Variants in WDR62 observed in about 807,000 individuals in gnomAD.
WDR62 encodes the protein WD repeat domain 62, also known as WD repeat-containing protein 62.
WDR62 carries 112 observed loss-of-function variants against 160.6 expected under a neutral mutation model. The ratio of observed to expected loss-of-function variants is 0.70; its 90% CI spans 0.60 to 0.82. The LOEUF is 0.82. Ranked by LOEUF, WDR62 falls within the 40% of genes least tolerant of loss-of-function variation. The probability of loss-of-function intolerance (pLI) is 0.00; values close to 1 mark genes in which losing one functional copy is unlikely to be tolerated. For missense variants in WDR62, 1,819 were observed against 1,983.8 expected (o/e 0.92, Z 1.58); for synonymous variants, 792 against 815.1 (o/e 0.97, Z 0.48).
downstream of WDR62, among the ~76,000 whole-genome samples, chr19:36,106,040 C>A (rs138712951): frequency 3.8e-3 from 577 of 152,318 alleles, 4 homozygotes; most frequent in African/African-American, 0.013. Context: ...AAACAAGAAA[C>A]CCAGGCAGGC....
chr19:36,060,154 C>T (rs1014206824), intron 3 of WDR62, 124 bp downstream of exon 3: 1 of 999,338 alleles, frequency 1.0e-6, no homozygotes, highest in Non-Finnish European at 1.6e-6. Context: ...GTTGGCTCAG[C>T]AGCATTCGCC....
At chr19:36,086,917 C>T in intron 13 of WDR62, 105 bp downstream of exon 13, 2 of 1,444,092 alleles carry the variant, frequency 1.4e-6, no homozygotes, top group South Asian at 2.4e-5. Flanking sequence ...CAAGTGAATA[C>T]AGTATCTGTG....
At position 36,067,333 on chromosome 19, in the gene WDR62, G is replaced by A. The variant is rs535488873; in HGVS notation, c.589G>A (p.Val197Ile). ...AGACATCGTAGTGGCCTCCAACAAG[G>A]TATCTTGTAGAGTCATTGCCCTCTC... ...KKDIVVASNKVSCRVIALSFS... is the reference protein window; with the variant it reads ...KKDIVVASNKISCRVIALSFS... The change falls in exon 6 of 32, where the codon GTA becomes ATA. Residue 197 changes from valine to isoleucine, a missense_variant. Val to Ile is a conservative substitution (Grantham distance 29). This residue lies in a region of WDR62 where 934 missense variants were observed against 1,157.2 expected (regional missense o/e 0.81). Coordinates refer to ENST00000401500, the MANE Select transcript of WDR62 (RefSeq NM_001083961.2). 1.1e-4 allele frequency: 180 copies of A among 1,614,166 alleles called. 1 individual carries two copies. In the South Asian group the frequency reaches 1.5e-3, roughly 14 times the overall value.
At chr19:36,071,987 G>C (rs942966224) in intron 8 of WDR62, among the ~76,000 whole-genome samples, 10 of 152,232 alleles carry the variant, frequency 6.6e-5, no homozygotes, top group African/African-American at 2.4e-4. Flanking sequence ...GAACAGTGCA[G>C]AGCAGGTGTG....
downstream of WDR62, chr19:36,105,190 G>A (rs1973680784): frequency 6.7e-6 from 6 of 889,056 alleles, no homozygotes; most frequent in Non-Finnish European, 6.8e-6. Context: ...GTGATGCCCA[G>A]AGGACTCGTG....
chr19:36,066,451 T>C, intron 5 of WDR62, 24 bp downstream of exon 5: 1 of 1,572,392 alleles, frequency 6.4e-7, no homozygotes, highest in South Asian at 1.2e-5. Context: ...AGCAGGCCTG[T>C]GGCAGGCAGC....
At position 36,079,417 on chromosome 19, in the gene WDR62, T is replaced by G. The variant is rs1219268637; in HGVS notation, c.1234-2016T>G. Among the ~76,000 whole-genome samples the G allele has an allele frequency of 2.0e-5, 3 of 152,230 alleles. No homozygotes were observed. The East Asian group carries it at 5.8e-4, about 29-fold the overall frequency. ...AGCCTGCTTTCTGATACTTCCTTTT[T>G]GTGGTCCTCTTTATCTGTTATGTCT... On this transcript the variant is annotated intron_variant, in intron 9 of 31. Transcript: ENST00000401500.
chr19:36,068,944 A>ACC (rs546007428), intron 7 of WDR62, among the ~76,000 whole-genome samples: 1 of 144,862 alleles, frequency 6.9e-6, no homozygotes, highest in Middle Eastern at 4.0e-3. Context: ...GGGCAGAGGC[A>ACC]CCCCCCATCT....
chr19:36,105,824 G>T (rs111671167), downstream of WDR62, among the ~76,000 whole-genome samples: 1 of 152,068 alleles, frequency 6.6e-6, no homozygotes, highest in Non-Finnish European at 1.5e-5. Context: ...TCAGCCTCCC[G>T]AGTAGCTGGG....
chr19:36,075,015 A>G (rs1471562418), intron 9 of WDR62: 2 of 151,604 alleles, frequency 1.3e-5, no homozygotes, highest in African/African-American at 4.9e-5. Context: ...TTCTCAGCCA[A>G]TACTGCTTCT....
rs1971001262 is a variant in WDR62, at chr19:36,067,453, T to C, written c.699+10T>C. The C allele has an allele frequency of 1.2e-6, 2 of 1,614,140 alleles. No individual in the cohort carries two copies. The highest frequency in any genetic ancestry group is 1.7e-5 in the Admixed American group (1 of 60,032). ...CTCCACTGAGACAAAGGTGAGTTTC[T>C]GTCCCTGCCCCTTTAGCCAGGCCCT... On this transcript the variant is annotated intron_variant, in intron 6 of 31. Transcript: ENST00000401500.
intron 19 of WDR62, 109 bp from the exon 20 acceptor site, chr19:36,093,922 C>A (rs1025695629): frequency 6.4e-6 from 9 of 1,406,134 alleles, no homozygotes; most frequent in Non-Finnish European, 9.0e-6. Flanking sequence ...GACCAGCAGC[C>A]AAGAATATGT....
intron 10 of WDR62, 133 bp downstream of exon 10, chr19:36,081,703 C>A: frequency 1.7e-6 from 2 of 1,185,516 alleles, no homozygotes; most frequent in Non-Finnish European, 2.5e-6. Flanking sequence ...GCAACCAAGG[C>A]AGGTCCCTCT....
chr19:36,071,877 C>T (rs762634525), intron 8 of WDR62, among the ~76,000 whole-genome samples, 161 bp downstream of exon 8: 12 of 152,172 alleles, frequency 7.9e-5, no homozygotes, highest in Admixed American at 2.0e-4. Flanking sequence ...CCTTGCCTTC[C>T]GAGGCAAGCC....
chr19:36,076,443 A>G (rs756299556), intron 9 of WDR62, among the ~76,000 whole-genome samples: 65 of 152,058 alleles, frequency 4.3e-4, no homozygotes, highest in South Asian at 6.2e-4. Context: ...CTGTAGTCCT[A>G]GCTACTTGGG....
intron 20 of WDR62, among the ~76,000 whole-genome samples, chr19:36,094,623 C>T (rs941319895): frequency 5.3e-5 from 8 of 151,774 alleles, no homozygotes; most frequent in African/African-American, 1.9e-4. Context: ...AGCGTGGTGG[C>T]TCACACCTGG....
At chr19:36,081,675 C>T (rs1971908965) in intron 10 of WDR62, 105 bp downstream of exon 10, 1 of 1,524,666 alleles carries the variant, frequency 6.6e-7, no homozygotes, top group African/African-American at 1.4e-5. Flanking sequence ...ATGTTAGGTT[C>T]CATGAGGGCA....
intron 9 of WDR62, among the ~76,000 whole-genome samples, chr19:36,078,711 C>T (rs1477823484): frequency 6.6e-6 from 1 of 151,368 alleles, no homozygotes; most frequent in Admixed American, 6.6e-5. Context: ...TGGCGGGCGC[C>T]TGTAATCCCA....
chr19:36,058,899 A>C (rs1394059363), intron 2 of WDR62, 28 bp downstream of exon 2: 9 of 1,580,832 alleles, frequency 5.7e-6, no homozygotes, highest in Admixed American at 1.7e-5. Flanking sequence ...TCGACGTCTA[A>C]TCATTGCTAG....
Sources: gnomAD v4.1 joint callset for allele counts (sites outside exome capture counted in the v4.1 genomes callset) on GRCh38, gnomAD v4.1.1 for gene constraint, gnomAD v4.1.1 regional missense constraint, MANE v1.5 for transcripts, NCBI Gene and HGNC (gene_info 2026-07-23, HGNC 2026-07-21) for gene names.